EPHA5: variants seen among roughly 807,000 people sequenced by gnomAD.
The protein encoded by EPHA5 is EPH receptor A5, also known as ephrin type-A receptor 5.
Under a neutral mutation model 105.0 loss-of-function variants are expected in EPHA5, and 60 were observed. The observed-to-expected ratio is 0.57, with a 90% CI of 0.46 to 0.71. The LOEUF (loss-of-function observed/expected upper bound fraction) is 0.71. Among genes scored for constraint, EPHA5 ranks in the 30% least tolerant of loss-of-function variants. EPHA5 has a pLI of 0.00. For synonymous variants in EPHA5, 513 were observed against 449.1 expected (o/e 1.14, Z -1.80); for missense variants, 1,218 against 1,274.7 (o/e 0.96, Z 0.68).
At chr4:65,437,426 A>T (rs1236879797) in intron 5 of EPHA5, among the ~76,000 whole-genome samples, 1 of 152,084 alleles carries the variant, frequency 6.6e-6, no homozygotes, top group Non-Finnish European at 1.5e-5. Flanking sequence ...TTAATTAATT[A>T]AAAAAGACAT....
intron 3 of EPHA5, among the ~76,000 whole-genome samples, chr4:65,533,750 A>G (rs1736039805): frequency 6.6e-6 from 1 of 152,096 alleles, no homozygotes; most frequent in South Asian, 2.1e-4. Flanking sequence ...TCTGGCCAAC[A>G]TGGTAAAACC....
At chr4:65,617,825 C>T (rs114551999) in intron 2 of EPHA5, among the ~76,000 whole-genome samples, 2,537 of 152,172 alleles carry the variant, frequency 0.017, 29 homozygotes, top group South Asian at 0.048. Flanking sequence ...CATTTATCTG[C>T]GTATCTCTAT....
chr4:65,563,299 G>T (rs577145706), intron 3 of EPHA5, among the ~76,000 whole-genome samples: 10 of 152,050 alleles, frequency 6.6e-5, no homozygotes, highest in African/African-American at 1.4e-4. Context: ...TCACTTATTA[G>T]ATAATATTTA....
chr4:65,366,138 G>C, intron 9 of EPHA5, 81 bp from the exon 10 acceptor site: 2 of 1,308,170 alleles, frequency 1.5e-6, no homozygotes, highest in African/African-American at 1.4e-5. Context: ...ATGCAAGTAT[G>C]GCTTAAATCT....
intron 1 of EPHA5, among the ~76,000 whole-genome samples, chr4:65,654,571 C>T (rs1051076764): frequency 6.6e-6 from 1 of 151,022 alleles, no homozygotes; most frequent in African/African-American, 2.4e-5. Flanking sequence ...ATTTATATTA[C>T]CTGTGAAGTC....
Position 65,669,626 on chromosome 4 carries a change from G to A in EPHA5, c.117C>T (p.Pro39=), listed in dbSNP as rs1235073807. 2.8e-6 allele frequency: 4 copies of A among 1,419,090 alleles called. No homozygotes were observed. The highest frequency in any genetic ancestry group is 3.7e-6 in the Non-Finnish European group (4 of 1,080,424). 87.9% of individuals were successfully genotyped at this position (1,419,090 alleles called of 1,614,324 possible). A position where few individuals can be genotyped will look rare whatever the true frequency, so the allele number is the denominator to read the frequency against. ...CGCACAGGAGAAGGCACGTCCAGAG[G>A]GGAGCCCGTCGAGGTGCAGAGTAGC... is the stretch of plus-strand genomic sequence containing the variant. ...AGCYSAPRRA[P]LWTCLLLCAA... Residue 39 remains proline, a synonymous_variant, in exon 1 of 17, where the codon CCC becomes CCT. Coordinates refer to ENST00000613740, the MANE Select transcript of EPHA5 (RefSeq NM_001281766.3).
intron 2 of EPHA5, among the ~76,000 whole-genome samples, chr4:65,635,695 C>T (rs1318289156): frequency 2.6e-5 from 4 of 152,040 alleles, no homozygotes; most frequent in Non-Finnish European, 5.9e-5. Context: ...CAAGAATAAG[C>T]CTTGAAAACA....
intron 8 of EPHA5, among the ~76,000 whole-genome samples, chr4:65,387,237 T>C (rs182170405): frequency 8.4e-4 from 127 of 152,024 alleles, no homozygotes; most frequent in Admixed American, 6.0e-3. Context: ...ACTTCCAAGC[T>C]GGGTTATTTC....
intron 8 of EPHA5, among the ~76,000 whole-genome samples, chr4:65,368,908 C>T (rs565975561): frequency 5.9e-5 from 9 of 152,232 alleles, no homozygotes; most frequent in African/African-American, 1.9e-4. Flanking sequence ...TTCCAACTGT[C>T]AAAGTTCAGT....
chr4:65,330,674 A>T (rs1720525643), intron 16 of EPHA5: 1 of 768,110 alleles, frequency 1.3e-6, no homozygotes, highest in Non-Finnish European at 1.6e-6. Context: ...TAAAATGACC[A>T]TTTTTACTGA....
chr4:65,561,382 TAGGGTA>T (rs1327961193), intron 3 of EPHA5, among the ~76,000 whole-genome samples: 1 of 115,252 alleles, frequency 8.7e-6, no homozygotes, highest in East Asian at 4.0e-4. Context: ...CATAGGCATA[TAGGGTA>T]TCCAGGGTAG....
At chr4:65,397,782 G>C (rs182611527) in intron 8 of EPHA5, among the ~76,000 whole-genome samples, 170 of 152,224 alleles carry the variant, frequency 1.1e-3, no homozygotes, top group African/African-American at 3.9e-3. Context: ...CCTTAGATAG[G>C]CCTCTGAGAG....
intron 3 of EPHA5, among the ~76,000 whole-genome samples, chr4:65,527,019 C>T (rs1735302416): frequency 6.6e-6 from 1 of 151,902 alleles, no homozygotes. Flanking sequence ...ATAAATCAGA[C>T]TAAAAATCAT....
intron 3 of EPHA5, among the ~76,000 whole-genome samples, chr4:65,589,813 G>T (rs1250282655): frequency 6.6e-6 from 1 of 152,144 alleles, no homozygotes; most frequent in Non-Finnish European, 1.5e-5. Context: ...AGATTGTGAG[G>T]CATAAAAGTA....
intron 3 of EPHA5, among the ~76,000 whole-genome samples, chr4:65,572,938 A>T (rs1407248406): frequency 6.6e-6 from 1 of 151,996 alleles, no homozygotes; most frequent in Non-Finnish European, 1.5e-5. Context: ...GACTTAGGCA[A>T]GAGAATCACT....
Position 65,348,815 on chromosome 4 carries a change from A to ATATATATT in EPHA5, c.2446-613_2446-612insAATATATA, listed in dbSNP as rs71657404. On this transcript the variant is annotated intron_variant, in intron 13 of 16. Transcript: ENST00000613740. The stretch of plus-strand genomic sequence containing the variant: ...TGTGTATATATATATATATATATAT[A>ATATATATT]TTTTTTTTTTTTTTTTTTGAGACAG... Among the ~76,000 whole-genome samples, 61 of 64,110 alleles carry ATATATATT rather than the reference A, an allele frequency of 9.5e-4. 1 individual carries two copies. The highest frequency in any genetic ancestry group is 3.3e-3 in the African/African-American group (53 of 16,146). The allele number at this position is 64,110 out of a possible 152,430, so 42.1% of individuals were successfully genotyped here. A position where few individuals can be genotyped will look rare whatever the true frequency, so the allele number is the denominator to read the frequency against.
rs374949294 is a variant in EPHA5, at chr4:65,367,337, A to G, written c.1861+20T>C. On this transcript the variant is annotated intron_variant, in intron 9 of 16. Coordinates refer to ENST00000613740, the MANE Select transcript of EPHA5 (RefSeq NM_001281766.3). Reference sequence around the variant, plus strand: ...GTGTCCCCTATTTTATTCTATTTTTATTTTTTACAATTTGCTTACTGTGCC... The same window carrying G: ...GTGTCCCCTATTTTATTCTATTTTTGTTTTTTACAATTTGCTTACTGTGCC... The G allele has an allele frequency of 1.3e-6, 2 of 1,597,042 alleles. No homozygotes were observed. Among genetic ancestry groups the G allele is most frequent in the Admixed American group, 1.7e-5 (1 of 59,700 alleles).
rs553207127 is a variant in EPHA5 at position 65,638,608 on chromosome 4, A to G, written c.246+4755T>C. ...TACAAAATTAGCCGGGTGTGGTGGC[A>G]CATGCCTGTAATCCCAGCTACTCGG... is the stretch of plus-strand genomic sequence containing the variant. On this transcript the variant is annotated intron_variant, in intron 2 of 16. Coordinates refer to ENST00000613740, the MANE Select transcript of EPHA5 (RefSeq NM_001281766.3). 5.3e-5 allele frequency among the ~76,000 whole-genome samples: 8 copies of G among 152,202 alleles called. No homozygotes were observed. The East Asian group carries it at 1.6e-3, about 29-fold the overall frequency.
chr4:65,454,466 G>C (rs994966459), intron 5 of EPHA5, among the ~76,000 whole-genome samples: 74 of 152,106 alleles, frequency 4.9e-4, no homozygotes, highest in Non-Finnish European at 8.4e-4. Flanking sequence ...GCTATGACTT[G>C]TTCTATTTAA....
Sources: gnomAD v4.1 joint callset for allele counts (sites outside exome capture counted in the v4.1 genomes callset) on GRCh38, gnomAD v4.1.1 for gene constraint, MANE v1.5 for transcripts, NCBI Gene and HGNC (gene_info 2026-07-23, HGNC 2026-07-21) for gene names.